ARHGEF37: variants seen among roughly 807,000 people sequenced by gnomAD.
ARHGEF37 encodes Rho guanine nucleotide exchange factor 37, also known as Rho guanine nucleotide exchange factor (GEF) 37.
Under a neutral mutation model 71.1 loss-of-function variants are expected in ARHGEF37, and 55 were observed. The ratio of observed to expected loss-of-function variants is 0.77; its 90% CI spans 0.62 to 0.97. The LOEUF (loss-of-function observed/expected upper bound fraction) is 0.97. ARHGEF37 is among the 50% of genes least tolerant of loss of function. The pLI is 0.00. For synonymous variants in ARHGEF37, 327 were observed against 350.6 expected (o/e 0.93, Z 0.75); for missense variants, 765 against 836.8 (o/e 0.91, Z 1.06).
intron 1 of ARHGEF37, among the ~76,000 whole-genome samples, chr5:149,587,894 C>CTTTTTTTTTT: frequency 7.7e-6 from 1 of 129,164 alleles, no homozygotes; most frequent in Non-Finnish European, 1.6e-5. Flanking sequence ...TCCCTTTAGT[C>CTTTTTTTTTT]TTTTTTTTTT....
At chr5:149,600,099 A>G (rs1469404639) in intron 2 of ARHGEF37, among the ~76,000 whole-genome samples, 2 of 152,316 alleles carry the variant, frequency 1.3e-5, no homozygotes, top group Admixed American at 6.5e-5. Flanking sequence ...CCTAGGCTAT[A>G]AGTGTGTTCA....
At chr5:149,578,670 TGG>T (rs1763053007), upstream of ARHGEF37, among the ~76,000 whole-genome samples, 1 of 152,234 alleles carries the variant, frequency 6.6e-6, no homozygotes, top group South Asian at 2.1e-4. Context: ...AATTTAAAAA[TGG>T]ATCACTCTGT....
chr5:149,573,054 A>T (rs1309962268), intron 1 of ARHGEF37, among the ~76,000 whole-genome samples: 1 of 152,214 alleles, frequency 6.6e-6, no homozygotes, highest in African/African-American at 2.4e-5. Context: ...AAGTAGACAC[A>T]TGCAAAGAGA....
At chr5:149,559,514 T>A (rs1666547081) in intron 1 of ARHGEF37, among the ~76,000 whole-genome samples, 1 of 152,236 alleles carries the variant, frequency 6.6e-6, no homozygotes, top group African/African-American at 2.4e-5. Flanking sequence ...AGTATTCTGG[T>A]TGTTTCCAAA....
At chr5:149,583,356 C>A (rs376464055) in intron 1 of ARHGEF37, among the ~76,000 whole-genome samples, 3 of 152,202 alleles carry the variant, frequency 2.0e-5, no homozygotes, top group East Asian at 3.8e-4. Flanking sequence ...AGGCTGATTG[C>A]AAACTCCTGA....
chr5:149,582,333 C>G (rs7719096), intron 1 of ARHGEF37, among the ~76,000 whole-genome samples: 38,986 of 152,174 alleles, frequency 0.26, 5,430 homozygotes, highest in Admixed American at 0.41. Context: ...CTGCAGGCTG[C>G]TACTCAGGCA....
chr5:149,610,298 G>A (rs1368260659), intron 4 of ARHGEF37, among the ~76,000 whole-genome samples: 1 of 152,194 alleles, frequency 6.6e-6, no homozygotes, highest in Non-Finnish European at 1.5e-5. Context: ...CTCTCTACCG[G>A]TGGCTGAAGT....
intron 1 of ARHGEF37, among the ~76,000 whole-genome samples, chr5:149,594,163 G>A (rs1427178526): frequency 1.3e-5 from 2 of 152,106 alleles, no homozygotes; most frequent in Admixed American, 6.6e-5. Flanking sequence ...GCTACAGAGA[G>A]GTTTTTCCTG....
intron 1 of ARHGEF37, among the ~76,000 whole-genome samples, chr5:149,557,904 C>T (rs1372613777): frequency 7.0e-6 from 1 of 142,778 alleles, no homozygotes; most frequent in African/African-American, 2.6e-5. Flanking sequence ...CTCACTCTGT[C>T]GCCCAGGCTG....
chr5:149,612,130 G>A (rs752399435), intron 4 of ARHGEF37, among the ~76,000 whole-genome samples: 2 of 152,148 alleles, frequency 1.3e-5, no homozygotes, highest in African/African-American at 2.4e-5. Context: ...CACAGAATGT[G>A]TTTACCCTAG....
chr5:149,620,890 C>T (rs1752522590), intron 8 of ARHGEF37, among the ~76,000 whole-genome samples: 1 of 151,944 alleles, frequency 6.6e-6, no homozygotes, highest in South Asian at 2.1e-4. Flanking sequence ...GAGTGGTCAG[C>T]AGCATAGAGA....
At chr5:149,598,263 C>CTCCTCTCCTTCTTCT (rs71587782) in intron 2 of ARHGEF37, among the ~76,000 whole-genome samples, 1 of 67,692 alleles carries the variant, frequency 1.5e-5, no homozygotes, top group Non-Finnish European at 2.9e-5. Context: ...CTTAAACTGA[C>CTCCTCTCCTTCTTCT]TCTTCTTCTT....
chr5:149,584,566 T>C (rs1200607832), intron 1 of ARHGEF37, among the ~76,000 whole-genome samples: 1 of 152,174 alleles, frequency 6.6e-6, no homozygotes, highest in Admixed American at 6.5e-5. Flanking sequence ...GGATGTTTTT[T>C]CTAATTTTGA....
At chr5:149,628,725 A>T in intron 11 of ARHGEF37, 84 bp from the exon 12 acceptor site, 1 of 1,471,286 alleles carries the variant, frequency 6.8e-7, no homozygotes, top group East Asian at 2.5e-5. Context: ...TGTGTTGGAA[A>T]CATTTATATC....
chr5:149,605,988 G>A (rs916808651), intron 3 of ARHGEF37, among the ~76,000 whole-genome samples: 11 of 152,196 alleles, frequency 7.2e-5, no homozygotes, highest in African/African-American at 2.7e-4. Context: ...GACAAGCAGG[G>A]AGGAAACAAG....
chr5:149,586,708 TAAAAC>T (rs1763252911), intron 1 of ARHGEF37, among the ~76,000 whole-genome samples: 1 of 152,226 alleles, frequency 6.6e-6, no homozygotes, highest in African/African-American at 2.4e-5. Flanking sequence ...ATATCTTTAA[TAAAAC>T]AAAACAGAGC....
At position 149,618,268 on chromosome 5, in the gene ARHGEF37, A is replaced by G; in HGVS notation, c.751A>G (p.Ser251Gly). ...HTLSKKTTRL[S>G]QLLKQEAGLI... ...CCTCTCCAAGAAGACCACCCGGCTG[A>G]GCCAGCTGCTGAAGCAGGAGGCGGG... Residue 251 changes from serine to glycine, a missense_variant, in exon 6 of 13, where the codon AGC (serine) becomes GGC (glycine). This residue lies in a region of ARHGEF37 where 167 missense variants were observed against 173.3 expected (regional missense o/e 0.96). Coordinates refer to ENST00000333677, the MANE Select transcript of ARHGEF37 (RefSeq NM_001001669.3). 1 of 1,614,226 alleles carries G rather than the reference A, an allele frequency of 6.2e-7. No individual in the cohort carries two copies. The highest frequency in any genetic ancestry group is 8.5e-7 in the Non-Finnish European group (1 of 1,180,040).
At chr5:149,631,319 C>T (rs767345628) in intron 12 of ARHGEF37, among the ~76,000 whole-genome samples, 6 of 151,684 alleles carry the variant, frequency 4.0e-5, no homozygotes, top group South Asian at 2.1e-4. Flanking sequence ...TACAGGTGTG[C>T]GCCACCATGC....
chr5:149,582,615 T>C (rs1026232477), intron 1 of ARHGEF37, among the ~76,000 whole-genome samples: 2 of 152,152 alleles, frequency 1.3e-5, no homozygotes, highest in African/African-American at 2.4e-5. Flanking sequence ...TTTACAATAA[T>C]CTATTGTATA....
Sources: allele counts gnomAD v4.1 joint callset (sites outside exome capture counted in the v4.1 genomes callset), GRCh38; gene constraint gnomAD v4.1.1; regional missense constraint gnomAD v4.1.1; transcripts MANE v1.5; gene names NCBI Gene and HGNC (gene_info 2026-07-23, HGNC 2026-07-21).